BAZ2B: variants seen among roughly 807,000 people sequenced by gnomAD.
BAZ2B encodes bromodomain adjacent to zinc finger domain 2B.
In BAZ2B, 91 loss-of-function variants were observed where a neutral mutation model predicts 246.0. The ratio of observed to expected loss-of-function variants is 0.37; its 90% CI spans 0.31 to 0.44. The LOEUF is 0.44. Ranked by LOEUF, BAZ2B falls within the 20% of genes least tolerant of loss-of-function variation. BAZ2B has a pLI of 1.00. For synonymous variants in BAZ2B, 855 were observed against 860.0 expected, an observed-to-expected ratio of 0.99 and a Z score of 0.10; for missense variants, 2,332 against 2,533.7, an observed-to-expected ratio of 0.92 and a Z score of 1.71.
At chr2:159,326,084 C>T (rs1386324301) in intron 34 of BAZ2B, among the ~76,000 whole-genome samples, 166 bp from the exon 35 acceptor site, 9 of 151,970 alleles carry the variant, frequency 5.9e-5, no homozygotes, top group African/African-American at 2.2e-4. Context: ...TTTTTCCTCT[C>T]ATAATATAAG....
At chr2:159,413,248 G>A (rs909186731) in intron 13 of BAZ2B, among the ~76,000 whole-genome samples, 5 of 152,078 alleles carry the variant, frequency 3.3e-5, no homozygotes, top group African/African-American at 1.2e-4. Context: ...TAAACTATAC[G>A]GCAAAATCCA....
intron 1 of BAZ2B, among the ~76,000 whole-genome samples, chr2:159,592,348 C>T (rs908713460): frequency 2.6e-5 from 4 of 152,132 alleles, no homozygotes; most frequent in Non-Finnish European, 5.9e-5. Flanking sequence ...CAGGGTCTTG[C>T]TATATTGCCC....
At chr2:159,598,049 A>C in intron 1 of BAZ2B, among the ~76,000 whole-genome samples, 1 of 149,950 alleles carries the variant, frequency 6.7e-6, no homozygotes, top group Admixed American at 6.6e-5. Context: ...GGCTGGATGC[A>C]GTGGCACGAT....
At chr2:159,597,186 A>G (rs762624402) in intron 1 of BAZ2B, among the ~76,000 whole-genome samples, 1 of 152,088 alleles carries the variant, frequency 6.6e-6, no homozygotes, top group East Asian at 1.9e-4. Context: ...GGCCACTTGT[A>G]TATCTTCTTT....
the BAZ2B span, among the ~76,000 whole-genome samples, chr2:159,624,454 C>A: frequency 5.9e-5 from 9 of 152,284 alleles, no homozygotes; most frequent in African/African-American, 2.2e-4. Context: ...TCTGGCTGGC[C>A]TCTGGCAGGT....
the BAZ2B span, among the ~76,000 whole-genome samples, chr2:159,622,986 G>A: frequency 5.6e-4 from 64 of 114,150 alleles, no homozygotes; most frequent in Non-Finnish European, 6.5e-4. Context: ...AAAAAAAAAA[G>A]AAGAATGAAA....
chr2:159,522,227 A>G (rs1206360003), intron 2 of BAZ2B, among the ~76,000 whole-genome samples: 1 of 152,252 alleles, frequency 6.6e-6, no homozygotes, highest in African/African-American at 2.4e-5. Flanking sequence ...AATGTGATGT[A>G]TCTTAAAGAA....
intron 1 of BAZ2B, among the ~76,000 whole-genome samples, chr2:159,590,807 C>T (rs1689232214): frequency 6.6e-6 from 1 of 152,094 alleles, no homozygotes; most frequent in African/African-American, 2.4e-5. Flanking sequence ...CTTCTATTTA[C>T]AGTCTGGACT....
chr2:159,395,305 A>G (rs1431941895), intron 20 of BAZ2B: 1 of 152,500 alleles, frequency 6.6e-6, no homozygotes, highest in Non-Finnish European at 1.5e-5. Flanking sequence ...GTACTGCAAT[A>G]ATTTTCTTAT....
intron 13 of BAZ2B, among the ~76,000 whole-genome samples, chr2:159,414,968 A>C (rs1002991298): frequency 1.3e-5 from 2 of 152,184 alleles, no homozygotes; most frequent in Non-Finnish European, 2.9e-5. Context: ...AAATGGAACC[A>C]TTCCTTCAAC....
At position 159,587,448 on chromosome 2, in the gene BAZ2B, G is replaced by C. The variant is rs541594819; in HGVS notation, c.-46+28794C>G. ...TTTGCTAGCACTTCCTGCAATACCT[G>C]AACTTTAAGCCTGCCTGTCCTTTCC... On this transcript the variant is annotated intron_variant, in intron 1 of 36. Transcript: ENST00000392783. Among the ~76,000 whole-genome samples, 13 of 152,242 alleles carry C rather than the reference G, an allele frequency of 8.5e-5. 1 individual carries two copies. In the South Asian group the frequency reaches 2.7e-3, roughly 32 times the overall value.
intron 2 of BAZ2B, among the ~76,000 whole-genome samples, chr2:159,539,703 C>T (rs2151377990): frequency 6.6e-6 from 1 of 152,354 alleles, no homozygotes; most frequent in African/African-American, 2.4e-5. Context: ...TACTGAGACC[C>T]TGTCTGTATT....
At chr2:159,408,906 T>C (rs1042577684) in intron 14 of BAZ2B, among the ~76,000 whole-genome samples, 9 of 150,368 alleles carry the variant, frequency 6.0e-5, no homozygotes, top group African/African-American at 2.0e-4. Flanking sequence ...GCAACAAGAG[T>C]GAAACTCTAT....
At chr2:159,400,698 A>C (rs1010441263) in intron 16 of BAZ2B, 34 bp from the exon 17 acceptor site, 4 of 1,217,970 alleles carry the variant, frequency 3.3e-6, no homozygotes, top group Non-Finnish European at 4.8e-6. Flanking sequence ...TGAGATAATA[A>C]AATAAACTAT....
intron 2 of BAZ2B, among the ~76,000 whole-genome samples, chr2:159,517,997 C>T (rs963221992): frequency 6.6e-6 from 1 of 152,170 alleles, no homozygotes; most frequent in Non-Finnish European, 1.5e-5. Flanking sequence ...ATGCAAAACA[C>T]AGTTCTTATT....
intron 2 of BAZ2B, among the ~76,000 whole-genome samples, chr2:159,526,778 T>C (rs1168189325): frequency 2.6e-5 from 4 of 152,020 alleles, no homozygotes; most frequent in African/African-American, 4.8e-5. Context: ...AAGTTTTAGG[T>C]TTAGTAAGGA....
chr2:159,564,927 G>A (rs144283338), intron 1 of BAZ2B, among the ~76,000 whole-genome samples: 4 of 152,302 alleles, frequency 2.6e-5, no homozygotes, highest in African/African-American at 9.6e-5. Flanking sequence ...CTGGAGTGAA[G>A]TGGTACGATC....
At chr2:159,672,384 A>G in the BAZ2B span, among the ~76,000 whole-genome samples, 1 of 152,198 alleles carries the variant, frequency 6.6e-6, no homozygotes, top group Admixed American at 6.5e-5. Context: ...CACCCACATA[A>G]ACAATGTTCA....
chr2:159,522,229 C>G (rs2084209946), intron 2 of BAZ2B, among the ~76,000 whole-genome samples: 1 of 151,922 alleles, frequency 6.6e-6, no homozygotes, highest in African/African-American at 2.4e-5. Context: ...TGTGATGTAT[C>G]TTAAAGAAAA....
Sources: gnomAD v4.1 joint callset for allele counts (sites outside exome capture counted in the v4.1 genomes callset) on GRCh38, gnomAD v4.1.1 for gene constraint, MANE v1.5 for transcripts, NCBI Gene and HGNC (gene_info 2026-07-23, HGNC 2026-07-21) for gene names.